ELMO3: variants seen among roughly 807,000 people sequenced by gnomAD.
ELMO3 encodes the protein engulfment and cell motility 3.
In ELMO3, 81 loss-of-function variants were observed where a neutral mutation model predicts 89.0. The ratio of observed to expected loss-of-function variants is 0.91; its 90% confidence interval spans 0.76 to 1.09. The LOEUF (loss-of-function observed/expected upper bound fraction) is 1.09. ELMO3 is among the 50% of genes least tolerant of loss of function. ELMO3 has a pLI of 0.00. For missense variants in ELMO3, 959 were observed against 972.8 expected (o/e 0.99, Z 0.19); for synonymous variants, 406 against 400.6 (o/e 1.01, Z -0.16).
Position 67,203,833 on chromosome 16 carries a change from A to AC in ELMO3, c.2121dup (p.Asn708GlnfsTer7). 8.4e-7 allele frequency: 1 copy of AC among 1,195,710 alleles called. No homozygotes were observed. Among genetic ancestry groups the AC allele is most frequent in the Non-Finnish European group, 1.1e-6 (1 of 873,940 alleles). 74.1% of individuals were successfully genotyped at this position (1,195,710 alleles called of 1,614,324 possible). A position where few individuals can be genotyped will look rare whatever the true frequency, so the allele number is the denominator to read the frequency against. ...GCCACCCCCTGTGCCCCCACCCCCC[A>AC]CCAACTTCAACTTCTGCTATGACTG... is the stretch of plus-strand genomic sequence containing the variant. On this transcript the variant is annotated frameshift_variant, in exon 20 of 20. Coordinates refer to ENST00000393997, the MANE Select transcript of ELMO3 (RefSeq NM_024712.5). LOFTEE classifies it high-confidence loss of function. This position sits in a 1 kb window ranked among gnomAD's most constrained non-coding sequence, Gnocchi z 4.6.
rs1483885046 is a variant in ELMO3 at position 67,202,169 on chromosome 16, C to T, written c.1153-7C>T. The T allele has an allele frequency of 1.3e-6, 2 of 1,598,864 alleles. No homozygotes were observed. Among genetic ancestry groups the T allele is most frequent in the East Asian group, 2.2e-5 (1 of 44,624 alleles). On this transcript the variant is annotated splice_polypyrimidine_tract_variant and splice_region_variant and intron_variant, in intron 12 of 19. Coordinates refer to ENST00000393997, the MANE Select transcript of ELMO3 (RefSeq NM_024712.5). Reference sequence around the variant, plus strand: ...GTGACTCCTTGCCCCATTCTCTGCGCCCCCAGTTTGTGTTGGAGAACAGCA... The same window carrying T: ...GTGACTCCTTGCCCCATTCTCTGCGTCCCCAGTTTGTGTTGGAGAACAGCA...
rs758404795 is a variant in ELMO3 at position 67,199,216 on chromosome 16, G to C, written c.-111G>C. ...CCGCGAGTGCGGGACACCGAGGTCA[G>C]GTCTCGGAAAGGGAGGACCTCCTCG... On this transcript the variant is annotated 5_prime_UTR_variant, in exon 1 of 20. Transcript: ENST00000393997. 2 of 1,611,370 alleles carry C rather than the reference G, an allele frequency of 1.2e-6. No homozygotes were observed. Among genetic ancestry groups the C allele is most frequent in the Middle Eastern group, 1.7e-4 (1 of 6,018 alleles).
Position 67,203,619 on chromosome 16 carries a change from A to AG in ELMO3, c.1950+40dup. 1 of 1,613,936 alleles carries AG rather than the reference A, an allele frequency of 6.2e-7. No homozygotes were observed. Among genetic ancestry groups the AG allele is most frequent in the Non-Finnish European group, 8.5e-7 (1 of 1,179,980 alleles). Reference sequence around the variant, plus strand: ...GCCAGGCTGAGGTCGGCAGGTGGGCAGGGGAGGCAGATGGGCAGACCCTCA... The same window carrying AG: ...GCCAGGCTGAGGTCGGCAGGTGGGCAGGGGGAGGCAGATGGGCAGACCCTCA... On this transcript the variant is annotated intron_variant, in intron 19 of 19. Coordinates refer to ENST00000393997, the MANE Select transcript of ELMO3 (RefSeq NM_024712.5). This position sits in a 1 kb window ranked among gnomAD's most constrained non-coding sequence, Gnocchi z 4.6.
In ELMO3 at chr16:67,203,339, A is replaced by T; in HGVS notation, c.1793A>T (p.Asp598Val). ...ESLPEQLPVADMRALLTGKDC... is the reference protein window; with the variant it reads ...ESLPEQLPVAVMRALLTGKDC... ...CTTCTTCCTGCAGTCCCTGTGGCCGACATGAGGGCACTCCTGACAGGCAAG... is the reference window on the plus strand; with the variant it reads ...CTTCTTCCTGCAGTCCCTGTGGCCGTCATGAGGGCACTCCTGACAGGCAAG... The change falls in exon 18 of 20, where the codon GAC (aspartate) becomes GTC (valine). Residue 598 changes from aspartate to valine, a missense_variant. Asp to Val is a radical substitution (Grantham distance 152). Transcript: ENST00000393997. The surrounding 1 kb of genome is among the most constrained non-coding windows in gnomAD (Gnocchi z 4.6). 6.2e-7 allele frequency: 1 copy of T among 1,600,746 alleles called. No homozygotes were observed. The highest frequency in any genetic ancestry group is 8.5e-7 in the Non-Finnish European group (1 of 1,175,612).
chr16:67,200,634 G>T, intron 6 of ELMO3, 23 bp from the exon 7 acceptor site: 1 of 1,609,204 alleles, frequency 6.2e-7, no homozygotes, highest in Non-Finnish European at 8.5e-7. Flanking sequence ...GGGGTGAGGT[G>T]GTGACACCCC....
At position 67,203,219 on chromosome 16, in the gene ELMO3, G is replaced by A. The variant is rs58587302; in HGVS notation, c.1776G>A (p.Glu592=). The change falls in exon 17 of 20, where the codon GAG becomes GAA. Residue 592 remains glutamate, a synonymous_variant. Transcript: ENST00000393997. The surrounding 1 kb of genome is among the most constrained non-coding windows in gnomAD (Gnocchi z 4.6). The stretch of plus-strand genomic sequence containing the variant: ...CGCCTACCCTGGAGAGTCTGCCCGA[G>A]CAACGTAAGGCGGGCAGGGGCGGGG... ...ASPPTLESLP[E]QLPVADMRAL... is the part of the protein sequence containing the mutation. 6.2e-7 allele frequency: 1 copy of A among 1,606,910 alleles called. No individual in the cohort carries two copies. Among genetic ancestry groups the A allele is most frequent in the African/African-American group, 1.3e-5 (1 of 74,906 alleles).
In ELMO3 at chr16:67,199,624, G is replaced by A. The variant is rs776123507; in HGVS notation, c.119+31G>A. ...TGCTGCCGGGCCAGGGCCTGCGGAG[G>A]GCGGGAGGGCAGGAGGGGCGGCGCC... On this transcript the variant is annotated intron_variant, in intron 2 of 19. Coordinates refer to ENST00000393997, the MANE Select transcript of ELMO3 (RefSeq NM_024712.5). 1.9e-6 allele frequency: 3 copies of A among 1,608,286 alleles called. No homozygotes were observed. In the African/African-American group the frequency reaches 4.0e-5, roughly 21 times the overall value.
In ELMO3 at chr16:67,201,346, C is replaced by G. The variant is rs200661466; in HGVS notation, c.745-39C>G. 2,228 of 1,612,776 alleles carry G rather than the reference C, an allele frequency of 1.4e-3. 5 individuals carry two copies. The highest frequency in any genetic ancestry group is 1.5e-3 in the Non-Finnish European group (1,794 of 1,179,822). On this transcript the variant is annotated intron_variant, in intron 8 of 19. Coordinates refer to ENST00000393997, the MANE Select transcript of ELMO3 (RefSeq NM_024712.5). ...TGCTGGGATTACAGGCGTGAGCCACCGCGCCCAGCCTAAGCCCCCTTTCTT... is the reference window on the plus strand; with the variant it reads ...TGCTGGGATTACAGGCGTGAGCCACGGCGCCCAGCCTAAGCCCCCTTTCTT...
At position 67,203,146 on chromosome 16, in the gene ELMO3, C is replaced by T; in HGVS notation, c.1703C>T (p.Pro568Leu). ...QDKLWFCCLS[P>L]NHKLLQYGDM... ...AAGCTGTGGTTCTGCTGCCTGTCCC[C>T]CAACCACAAGCTGCTGCAGTACGGA... The change falls in exon 17 of 20, where the codon CCC becomes CTC. Residue 568 changes from proline (P) to leucine (L), a missense_variant. Pro to Leu is a moderately conservative substitution (Grantham distance 98). Coordinates refer to ENST00000393997, the MANE Select transcript of ELMO3 (RefSeq NM_024712.5). This position sits in a 1 kb window ranked among gnomAD's most constrained non-coding sequence, Gnocchi z 4.6. 6.2e-7 allele frequency: 1 copy of T among 1,612,208 alleles called. No homozygotes were observed. The highest frequency in any genetic ancestry group is 8.5e-7 in the Non-Finnish European group (1 of 1,179,682).
chr16:67,203,711 T>C lies in ELMO3; in HGVS notation c.1997T>C (p.Met666Thr), dbSNP rs751074379. 7 of 1,613,592 alleles carry C rather than the reference T, an allele frequency of 4.3e-6. No homozygotes were observed. Among genetic ancestry groups the C allele is most frequent in the South Asian group, 1.1e-5 (1 of 91,084 alleles). ...DGLSALLGSP[M>T]GSEQTRLDLE... ...CTCAGTGCCTTGCTGGGCAGTCCCA[T>C]GGGCAGCGAGCAGACACGGCTGGAC... is the stretch of plus-strand genomic sequence containing the variant. The change falls in exon 20 of 20, where the codon ATG (methionine) becomes ACG (threonine). Residue 666 changes from methionine to threonine, a missense_variant. Met to Thr is a moderately conservative substitution (Grantham distance 81). Transcript: ENST00000393997. This position sits in a 1 kb window ranked among gnomAD's most constrained non-coding sequence, Gnocchi z 4.6.
At chr16:67,200,114 C>T in intron 4 of ELMO3, 78 bp from the exon 5 acceptor site, 2 of 1,577,512 alleles carry the variant, frequency 1.3e-6, no homozygotes, top group Non-Finnish European at 1.7e-6. Flanking sequence ...CTAGTTGACG[C>T]CCGGGGCCGC....
chr16:67,202,835 TG>T, intron 15 of ELMO3, 45 bp downstream of exon 15: 1 of 1,611,742 alleles, frequency 6.2e-7, no homozygotes, highest in Non-Finnish European at 8.5e-7. Flanking sequence ...CTACCTTCCT[TG>T]GTGCCCCCTG....
rs1393444284 is a variant in ELMO3, at chr16:67,201,614, T to C, written c.890T>C (p.Met297Thr). 3.7e-6 allele frequency: 6 copies of C among 1,613,438 alleles called. No homozygotes were observed. The highest frequency in any genetic ancestry group is 5.1e-6 in the Non-Finnish European group (6 of 1,180,034). The change falls in exon 10 of 20, where the codon ATG (methionine) becomes ACG (threonine). Residue 297 changes from methionine (M) to threonine (T), a missense_variant. Physicochemically the swap from Met to Thr is moderately conservative, Grantham distance 81. Coordinates refer to ENST00000393997, the MANE Select transcript of ELMO3 (RefSeq NM_024712.5). ...ALMLGLLEPR[M>T]RTPLDPYSQE... is the part of the protein sequence containing the mutation. ...ATGCTGGGGCTGCTGGAGCCGCGCA[T>C]GCGGACGCCCCTGGACCCCTACAGC... is the stretch of plus-strand genomic sequence containing the variant.
At chr16:67,201,049 C>CTTTT (rs797015351) in intron 8 of ELMO3, 81 bp downstream of exon 8, 4 of 1,136,704 alleles carry the variant, frequency 3.5e-6, no homozygotes, top group East Asian at 2.8e-5. Flanking sequence ...CTAAGCCCCC[C>CTTTT]TTTTTTTTTT....
At position 67,199,204 on chromosome 16, in the gene ELMO3, A is replaced by G. The variant is rs535864891; in HGVS notation, c.-123A>G. On this transcript the variant is annotated 5_prime_UTR_variant, in exon 1 of 20. Transcript: ENST00000393997. ...CAGCAGTCTGGGCCGCGAGTGCGGG[A>G]CACCGAGGTCAGGTCTCGGAAAGGG... 1.3e-5 allele frequency: 21 copies of G among 1,611,280 alleles called. No homozygotes were observed. In the Admixed American group the frequency reaches 3.0e-4, roughly 23 times the overall value.
Position 67,200,648 on chromosome 16 carries a change from C to T in ELMO3, c.514-9C>T, listed in dbSNP as rs2033080152. 6.2e-7 allele frequency: 1 copy of T among 1,610,924 alleles called. No homozygotes were observed. The highest frequency in any genetic ancestry group is 1.1e-5 in the South Asian group (1 of 91,038). On this transcript the variant is annotated splice_polypyrimidine_tract_variant and intron_variant, in intron 6 of 19. Transcript: ENST00000393997. ...GGGGGTGAGGTGGTGACACCCCCGC[C>T]CCTTACAGGTGGTGTGCTACGTGAA...
rs2033054944 is a variant in ELMO3 at position 67,199,756 on chromosome 16, T to C, written c.192T>C (p.Asn64=). The change falls in exon 3 of 20, where the codon AAT becomes AAC. Residue 64 remains asparagine, a splice_region_variant and synonymous_variant. Coordinates refer to ENST00000393997, the MANE Select transcript of ELMO3 (RefSeq NM_024712.5). The stretch of plus-strand genomic sequence containing the variant: ...GGCACCGGAGATACATCACCGAGAA[T>C]GTGAGTCCCCTCTCCCCAGCCCCAA... ...ADGHRRYITE[N]NRAEIKNGSI... 4 of 1,610,512 alleles carry C rather than the reference T, an allele frequency of 2.5e-6. No homozygotes were observed. In the South Asian group the frequency reaches 3.3e-5, roughly 13 times the overall value.
At position 67,201,806 on chromosome 16, in the gene ELMO3, GTGCCGGGCT is replaced by G; in HGVS notation, c.984_992del (p.Ala329_Leu331del). The G allele has an allele frequency of 6.2e-7, 1 of 1,612,072 alleles. No individual in the cohort carries two copies. Among genetic ancestry groups the G allele is most frequent in the East Asian group, 2.2e-5 (1 of 44,880 alleles). ...TTCGAGGTGGAGGGGGAGTCCTCGG[GTGCCGGGCT>G]AAGTGCTGACCGTCGCCGTTCCCTC... On this transcript the variant is annotated inframe_deletion, in exon 11 of 20. Coordinates refer to ENST00000393997, the MANE Select transcript of ELMO3 (RefSeq NM_024712.5).
In ELMO3 at chr16:67,202,209, C is replaced by T. The variant is rs1440169612; in HGVS notation, c.1186C>T (p.His396Tyr). 2 of 1,604,792 alleles carry T rather than the reference C, an allele frequency of 1.2e-6. No individual in the cohort carries two copies. The highest frequency in any genetic ancestry group is 8.5e-7 in the Non-Finnish European group (1 of 1,173,960). ...GGAGAACAGCAGCCGCGAGGACAAG[C>T]ACGAGTGCCCCTTTGCCCGGGGCAG... is the stretch of plus-strand genomic sequence containing the variant. ...VLENSSREDK[H>Y]ECPFARGSIQ... The change falls in exon 13 of 20, where the codon CAC becomes TAC. Residue 396 changes from histidine (H) to tyrosine (Y), a missense_variant. His to Tyr is a moderately conservative substitution (Grantham distance 83, BLOSUM62 2). Transcript: ENST00000393997.
Sources: allele counts gnomAD v4.1 joint callset, GRCh38; gene constraint gnomAD v4.1.1; non-coding constraint Gnocchi (gnomAD v3.1); transcripts MANE v1.5; gene names NCBI Gene and HGNC (gene_info 2026-07-23, HGNC 2026-07-21).